The following SACS variants were observed in gnomAD, a reference collection of about 807,000 sequenced individuals.
The protein encoded by SACS is sacsin molecular chaperone, also known as sacsin.
In SACS, 197 loss-of-function variants were observed where a neutral mutation model predicts 348.0. That is an observed-to-expected ratio of 0.57 (90% CI 0.50 to 0.64). The LOEUF (loss-of-function observed/expected upper bound fraction) is 0.64, where lower values mean the gene tolerates loss of function less well. Among genes scored for constraint, SACS ranks in the 30% least tolerant of loss-of-function variants. The pLI is 0.00. For missense variants in SACS, 4,999 were observed against 5,360.8 expected, an observed-to-expected ratio of 0.93 and a Z score of 2.11; for synonymous variants, 1,985 against 1,910.6, an observed-to-expected ratio of 1.04 and a Z score of -1.02.
Position 23,330,070 on chromosome 13 carries a change from T to C in SACS, c.*66A>G. The C allele has an allele frequency of 9.2e-6, 13 of 1,407,308 alleles. No homozygotes were observed. Among genetic ancestry groups the C allele is most frequent in the South Asian group, 3.6e-5 (3 of 84,124 alleles). The allele number at this position is 1,407,308 out of a possible 1,614,324, so 87.2% of individuals were successfully genotyped here. On this transcript the variant is annotated 3_prime_UTR_variant, in exon 10 of 10. Coordinates refer to ENST00000382292, the MANE Select transcript of SACS (RefSeq NM_014363.6). The stretch of plus-strand genomic sequence containing the variant: ...CTAGCTAATTGGCAATGAAGCTTAA[T>C]GAAGTACAGCAATTTATTCGTGCTA...
Position 23,406,523 on chromosome 13 carries a change from T to C in SACS, c.20+4697A>G, listed in dbSNP as rs969535739. On this transcript the variant is annotated intron_variant, in intron 2 of 9. Coordinates refer to ENST00000382292, the MANE Select transcript of SACS (RefSeq NM_014363.6). ...TGCACATGTATCCCAAAACTTAAAGTATAATAAAAAAAAGTTCTAATATTA... is the reference window on the plus strand; with the variant it reads ...TGCACATGTATCCCAAAACTTAAAGCATAATAAAAAAAAGTTCTAATATTA... Among the ~76,000 whole-genome samples the C allele has an allele frequency of 5.5e-5, 7 of 127,602 alleles. No homozygotes were observed. In the East Asian group the frequency reaches 1.9e-3, roughly 36 times the overall value. The allele number at this position is 127,602 out of a possible 152,430, so 83.7% of individuals were successfully genotyped here.
At chr13:23,421,887 G>A (rs1472025551) in intron 1 of SACS, among the ~76,000 whole-genome samples, 1 of 152,018 alleles carries the variant, frequency 6.6e-6, no homozygotes, top group Admixed American at 6.6e-5. Context: ...ATCCACTTGA[G>A]GCCTGAAGTT....
chr13:23,405,202 C>T (rs1434008758), intron 2 of SACS, among the ~76,000 whole-genome samples: 2 of 152,190 alleles, frequency 1.3e-5, no homozygotes, highest in Non-Finnish European at 2.9e-5. Context: ...GGTACTGGTA[C>T]CAAAACAGAT....
rs1868980226 is a variant in SACS at position 23,339,378 on chromosome 13, T to G, written c.4498A>C (p.Arg1500=). ...TTCTCTCTTATGTCCATATTTCTTC[T>G]CATATCAATCAAGAAACTGCATTCT... The part of the protein sequence containing the change: ...ATECSFLIDM[R]RNMDIRENLL... The change falls in exon 10 of 10, where the codon AGA becomes CGA. Residue 1500 remains arginine (R), a synonymous_variant. Transcript: ENST00000382292. The G allele has an allele frequency of 6.2e-7, 1 of 1,612,888 alleles. No homozygotes were observed. Among genetic ancestry groups the G allele is most frequent in the Non-Finnish European group, 8.5e-7 (1 of 1,179,636 alleles).
intron 1 of SACS, 45 bp from the exon 2 acceptor site, chr13:23,411,785 G>C (rs992241022): frequency 5.1e-5 from 8 of 156,040 alleles, no homozygotes; most frequent in African/African-American, 1.9e-4. Context: ...TTAAGGAAAA[G>C]CACTTGAAGT....
At position 23,334,262 on chromosome 13, in the gene SACS, A is replaced by G. The variant is rs770346746; in HGVS notation, c.9614T>C (p.Val3205Ala). ...KYSNILLNCKVAKVFDISSFA... is the reference protein window; with the variant it reads ...KYSNILLNCKAAKVFDISSFA... ...GCTGGAAATGTCAAACACTTTTGCAACTTTACAGTTCAATAAAATATTACT... is the reference window on the plus strand; with the variant it reads ...GCTGGAAATGTCAAACACTTTTGCAGCTTTACAGTTCAATAAAATATTACT... The change falls in exon 10 of 10, where the codon GTT becomes GCT. Residue 3205 changes from valine to alanine, a missense_variant. By Grantham distance (64) the Val-to-Ala change is moderately conservative (BLOSUM62 0). Around this residue, in one of 6 missense-constraint regions of SACS, gnomAD observed 734 missense variants for 694.0 expected, o/e 1.06. Coordinates refer to ENST00000382292, the MANE Select transcript of SACS (RefSeq NM_014363.6). 10 of 1,611,654 alleles carry G rather than the reference A, an allele frequency of 6.2e-6. 1 individual carries two copies. The South Asian group carries it at 1.1e-4, about 18-fold the overall frequency.
rs1430076456 is a variant in SACS, at chr13:23,354,909, T to C, written c.1703A>G (p.Asp568Gly). 1 of 1,614,086 alleles carries C rather than the reference T, an allele frequency of 6.2e-7. No individual in the cohort carries two copies. The highest frequency in any genetic ancestry group is 2.2e-5 in the East Asian group (1 of 44,902). Residue 568 changes from aspartate to glycine, a missense_variant, in exon 8 of 10, where the codon GAC becomes GGC. Asp to Gly is a moderately conservative substitution (Grantham distance 94, BLOSUM62 -1). Coordinates refer to ENST00000382292, the MANE Select transcript of SACS (RefSeq NM_014363.6). ...GTACACCTGCTCCAACCTGACCCAG[T>C]CACAGCTAATTGAATAAATCACTGC... ...QNAVIYSISCDWVRLEQVYFS... is the reference protein window; with the variant it reads ...QNAVIYSISCGWVRLEQVYFS...
At position 23,387,242 on chromosome 13, in the gene SACS, G is replaced by A. The variant is rs573224743; in HGVS notation, c.21-11973C>T. ...TGGGAGGCCGAGGAAGGCAGATCACGAGGTCAGGAGATCAAGACCATCCTG... is the reference window on the plus strand; with the variant it reads ...TGGGAGGCCGAGGAAGGCAGATCACAAGGTCAGGAGATCAAGACCATCCTG... On this transcript the variant is annotated intron_variant, in intron 2 of 9. Transcript: ENST00000382292. Among the ~76,000 whole-genome samples, 18 of 152,036 alleles carry A rather than the reference G, an allele frequency of 1.2e-4. No homozygotes were observed. In the East Asian group the frequency reaches 3.1e-3, roughly 26 times the overall value.
In SACS at chr13:23,334,347, ATGT is replaced by A. The variant is rs1161557781; in HGVS notation, c.9526_9528del (p.Thr3176del). ...TTGCGGGATGGAATCAATTCATGAT[ATGT>A]TGTTAGAAACTTGGGTCGTTTTGCA... On this transcript the variant is annotated inframe_deletion, in exon 10 of 10. Transcript: ENST00000382292. 1.9e-6 allele frequency: 3 copies of A among 1,612,338 alleles called. No individual in the cohort carries two copies. Among genetic ancestry groups the A allele is most frequent in the South Asian group, 1.1e-5 (1 of 90,798 alleles).
rs1448541439 is a variant in SACS, at chr13:23,354,603, G to A, written c.2009C>T (p.Pro670Leu). The A allele has an allele frequency of 1.2e-6, 2 of 1,614,080 alleles. No homozygotes were observed. The highest frequency in any genetic ancestry group is 2.7e-5 in the African/African-American group (2 of 74,928). ...GGGGACAAAATTGCCATTTTGTAAA[G>A]GGAGCAGCTCCAGCCCAAGCAGCTC... Reference protein sequence around the residue: ...YSELLGLELLPLQNGNFVPFS... With the variant: ...YSELLGLELLLLQNGNFVPFS... Residue 670 changes from proline to leucine, a missense_variant, in exon 8 of 10, where the codon CCT becomes CTT. Physicochemically the swap from Pro to Leu is moderately conservative, Grantham distance 98. Around this residue, in one of 6 missense-constraint regions of SACS, gnomAD observed 3,156 missense variants for 3,380.1 expected, o/e 0.93. Coordinates refer to ENST00000382292, the MANE Select transcript of SACS (RefSeq NM_014363.6).
At chr13:23,353,248 T>C (rs796075309) in intron 9 of SACS, among the ~76,000 whole-genome samples, 7 of 152,234 alleles carry the variant, frequency 4.6e-5, no homozygotes, top group African/African-American at 1.4e-4. Context: ...CAGAGTTAAT[T>C]GGATTTGTCC....
At position 23,336,190 on chromosome 13, in the gene SACS, A is replaced by C. The variant is rs760514286; in HGVS notation, c.7686T>G (p.Cys2562Trp). The C allele has an allele frequency of 1.2e-6, 2 of 1,614,046 alleles. No homozygotes were observed. Among genetic ancestry groups the C allele is most frequent in the East Asian group, 4.5e-5 (2 of 44,880 alleles). ...GATGCTGTCTAGGATCAAACACAAA[A>C]CAGATTTCTGTCGCCTTTGCATCAT... ...NADDAKATEICFVFDPRQHPV... is the reference protein window; with the variant it reads ...NADDAKATEIWFVFDPRQHPV... The change falls in exon 10 of 10, where the codon TGT becomes TGG. Residue 2562 changes from cysteine to tryptophan, a missense_variant. This residue lies in a region of SACS where 3,156 missense variants were observed against 3,380.1 expected (regional missense o/e 0.93). Transcript: ENST00000382292.
chr13:23,390,029 T>G lies in SACS; in HGVS notation c.21-14760A>C, dbSNP rs564843692. On this transcript the variant is annotated intron_variant, in intron 2 of 9. Transcript: ENST00000382292. ...TTCTACAAATTTTCAATGGATTTGG[T>G]TTTTTTTCTATTCACTCTACAAGGG... is the stretch of plus-strand genomic sequence containing the variant. Among the ~76,000 whole-genome samples the G allele has an allele frequency of 5.1e-4, 43 of 84,202 alleles. 1 individual carries two copies. In the East Asian group the frequency reaches 0.01, roughly 20 times the overall value. 55.2% of individuals were successfully genotyped at this position (84,202 alleles called of 152,430 possible). A position where few individuals can be genotyped will look rare whatever the true frequency, so the allele number is the denominator to read the frequency against.
rs1442010575 is a variant in SACS at position 23,330,938 on chromosome 13, A to C, written c.12938T>G (p.Val4313Gly). Residue 4313 changes from valine to glycine, a missense_variant, in exon 10 of 10, where the codon GTG becomes GGG. Physicochemically the swap from Val to Gly is moderately radical, Grantham distance 109. Around this residue, in one of 6 missense-constraint regions of SACS, gnomAD observed 831 missense variants for 941.8 expected, o/e 0.88. Transcript: ENST00000382292. ...TGGAAGCTTCCATGCTTGCTCCACC[A>C]CAGATGTCACTTCTTTTAAGATTTC... ...LPEILKEVTS[V>G]VEQAWKLPES... The C allele has an allele frequency of 6.2e-7, 1 of 1,614,078 alleles. No individual in the cohort carries two copies. Among genetic ancestry groups the C allele is most frequent in the South Asian group, 1.1e-5 (1 of 91,082 alleles).
chr13:23,340,547 A>G lies in SACS; in HGVS notation c.3329T>C (p.Ile1110Thr), dbSNP rs1869108945. 6.2e-7 allele frequency: 1 copy of G among 1,611,810 alleles called. No homozygotes were observed. The highest frequency in any genetic ancestry group is 8.5e-7 in the Non-Finnish European group (1 of 1,179,098). The stretch of plus-strand genomic sequence containing the variant: ...ACAAGCACCGACCTGTAAGGCTTCA[A>G]TTTTTTTTGCCACTTGCACAACATC... ...EKDVVQVAKK[I>T]EALQVGACPD... The change falls in exon 10 of 10, where the codon ATT becomes ACT. Residue 1110 changes from isoleucine (I) to threonine (T), a missense_variant. Around this residue, in one of 6 missense-constraint regions of SACS, gnomAD observed 3,156 missense variants for 3,380.1 expected, o/e 0.93. Transcript: ENST00000382292.
In SACS at chr13:23,338,949, G is replaced by C. The variant is rs759723585; in HGVS notation, c.4927C>G (p.Leu1643Val). ...TGAGTTCTAAAGGACAGTCGGAAAA[G>C]GGTTCCATTATAGCTGTAAGGTGCT... ...VEAPYSYNGT[L>V]FRLSFRTQQE... Residue 1643 changes from leucine (L) to valine (V), a missense_variant, in exon 10 of 10, where the codon CTT becomes GTT. Coordinates refer to ENST00000382292, the MANE Select transcript of SACS (RefSeq NM_014363.6). The C allele has an allele frequency of 6.2e-7, 1 of 1,613,812 alleles. No homozygotes were observed. The highest frequency in any genetic ancestry group is 8.5e-7 in the Non-Finnish European group (1 of 1,179,926).
chr13:23,340,799 T>C lies in SACS; in HGVS notation c.3077A>G (p.Glu1026Gly). 6.2e-7 allele frequency: 1 copy of C among 1,603,748 alleles called. No homozygotes were observed. The highest frequency in any genetic ancestry group is 8.5e-7 in the Non-Finnish European group (1 of 1,175,086). Residue 1026 changes from glutamate to glycine, a missense_variant, in exon 10 of 10, where the codon GAG becomes GGG. Coordinates refer to ENST00000382292, the MANE Select transcript of SACS (RefSeq NM_014363.6). ...TAACCACTCAAGCACATTTGGATTCTCATTTTTAAGAGAAGATAGATTCTC... is the reference window on the plus strand; with the variant it reads ...TAACCACTCAAGCACATTTGGATTCCCATTTTTAAGAGAAGATAGATTCTC... Reference protein sequence around the residue: ...VLENLSSLKNENPNVLEWLTP... With the variant: ...VLENLSSLKNGNPNVLEWLTP...
intron 5 of SACS, among the ~76,000 whole-genome samples, chr13:23,366,577 GTTAAC>G (rs1022965474): frequency 1.2e-4 from 18 of 152,188 alleles, no homozygotes; most frequent in African/African-American, 4.1e-4. Flanking sequence ...GAAAAACAAT[GTTAAC>G]TTACAAAATG....
intron 9 of SACS, among the ~76,000 whole-genome samples, chr13:23,344,254 G>A (rs1309283705): frequency 6.6e-6 from 1 of 152,184 alleles, no homozygotes; most frequent in Non-Finnish European, 1.5e-5. Flanking sequence ...TGTGCTCTAT[G>A]TTAATAATTG....
Sources: allele counts gnomAD v4.1 joint callset (sites outside exome capture counted in the v4.1 genomes callset), GRCh38; gene constraint gnomAD v4.1.1; regional missense constraint gnomAD v4.1.1; transcripts MANE v1.5; gene names NCBI Gene and HGNC (gene_info 2026-07-23, HGNC 2026-07-21).